WDR43: variants seen among roughly 807,000 people sequenced by gnomAD.
WDR43 encodes WD repeat-containing protein 43.
A neutral mutation model predicts 91.4 loss-of-function variants in WDR43; 13 were observed. The ratio of observed to expected loss-of-function variants is 0.14; its 90% CI spans 0.09 to 0.23. The LOEUF is 0.23. Ranked by LOEUF, WDR43 falls within the 10% of genes least tolerant of loss-of-function variation. The probability of loss-of-function intolerance (pLI) is 1.00; values close to 1 mark genes in which losing one functional copy is unlikely to be tolerated. For synonymous variants in WDR43, 331 were observed against 287.9 expected, an observed-to-expected ratio of 1.15 and a Z score of -1.51; for missense variants, 780 against 809.4, an observed-to-expected ratio of 0.96 and a Z score of 0.44.
rs1389972545 is a variant in WDR43 at position 28,935,746 on chromosome 2, A to T, written c.1524+139A>T. 6.5e-5 allele frequency: 11 copies of T among 168,314 alleles called. 1 individual carries two copies. Among genetic ancestry groups the T allele is most frequent in the Non-Finnish European group, 8.3e-5 (9 of 108,332 alleles). 10.4% of individuals were successfully genotyped at this position (168,314 alleles called of 1,614,324 possible). ...TAATGGATGGAGGAAAGTACTTTAG[A>T]CAAAAAAAAAAAAAAAAAAAAAGTG... On this transcript the variant is annotated intron_variant, in intron 12 of 17. Transcript: ENST00000407426.
chr2:28,937,324 G>A (rs1216461491), intron 13 of WDR43, among the ~76,000 whole-genome samples: 1 of 151,944 alleles, frequency 6.6e-6, no homozygotes, highest in East Asian at 1.9e-4. Context: ...TTGATAATCT[G>A]ATCAAACATT....
chr2:28,895,037 A>G, intron 1 of WDR43, 114 bp downstream of exon 1: 2 of 1,148,698 alleles, frequency 1.7e-6, no homozygotes, highest in East Asian at 6.5e-5. Context: ...CCCGGGCCAG[A>G]AGGCTTGGAG....
At chr2:28,920,930 G>A (rs565045255) in intron 6 of WDR43, among the ~76,000 whole-genome samples, 2 of 152,088 alleles carry the variant, frequency 1.3e-5, no homozygotes, top group East Asian at 3.9e-4. Flanking sequence ...GCCCACCTTG[G>A]CCTCACAAAG....
intron 16 of WDR43, among the ~76,000 whole-genome samples, chr2:28,944,968 T>C (rs1194953546): frequency 2.6e-5 from 4 of 152,238 alleles, no homozygotes; most frequent in Non-Finnish European, 5.9e-5. Context: ...ATTTTTGGAT[T>C]GCAGTTGCCA....
chr2:28,916,512 C>A (rs1449247458), intron 5 of WDR43, among the ~76,000 whole-genome samples: 1 of 152,022 alleles, frequency 6.6e-6, no homozygotes, highest in Non-Finnish European at 1.5e-5. Context: ...TGTTAAGATT[C>A]ATGTTTTTGC....
At chr2:28,939,629 C>T (rs1211115833) in intron 14 of WDR43, among the ~76,000 whole-genome samples, 1 of 152,150 alleles carries the variant, frequency 6.6e-6, no homozygotes, top group African/African-American at 2.4e-5. Flanking sequence ...CACTCTGGTC[C>T]CCATCTTCTT....
In WDR43 at chr2:28,937,934, T is replaced by C. The variant is rs1671363953; in HGVS notation, c.1560T>C (p.Ala520=). 3 of 1,613,774 alleles carry C rather than the reference T, an allele frequency of 1.9e-6. No individual in the cohort carries two copies. The highest frequency in any genetic ancestry group is 1.7e-6 in the Non-Finnish European group (2 of 1,179,834). ...TTACTTGGATTTTTTTTTCCAGTGCTGTGCTAATGGTTCAGTGGCTAAAAT... is the reference window on the plus strand; with the variant it reads ...TTACTTGGATTTTTTTTTCCAGTGCCGTGCTAATGGTTCAGTGGCTAAAAT... The part of the protein sequence containing the change: ...TKRLQGHPNS[A]VLMVQWLKCV... The change falls in exon 14 of 18, where the codon GCT becomes GCC. Residue 520 remains alanine, a synonymous_variant. Transcript: ENST00000407426.
intron 5 of WDR43, 39 bp downstream of exon 5, chr2:28,914,247 G>T (rs748392569): frequency 1.3e-6 from 2 of 1,590,218 alleles, no homozygotes; most frequent in Non-Finnish European, 1.7e-6. Flanking sequence ...AGCATTGAAA[G>T]AATCTGTCAG....
chr2:28,927,630 A>C lies in WDR43; in HGVS notation c.1235A>C (p.His412Pro). ...KVLVPGIPGH[H>P]AAIKPAPPQT... ...CTGGTGCCTGGGATTCCTGGTCATC[A>C]TGCAGCTATCAAGCCCGCTCCTCCA... Residue 412 changes from histidine to proline, a missense_variant, in exon 10 of 18, where the codon CAT becomes CCT. By Grantham distance (77) the His-to-Pro change is moderately conservative. Coordinates refer to ENST00000407426, the MANE Select transcript of WDR43 (RefSeq NM_015131.3). 5.0e-6 allele frequency: 8 copies of C among 1,613,932 alleles called. No homozygotes were observed. Among genetic ancestry groups the C allele is most frequent in the Non-Finnish European group, 6.8e-6 (8 of 1,179,860 alleles).
intron 11 of WDR43, among the ~76,000 whole-genome samples, chr2:28,930,344 G>A (rs552565358): frequency 6.6e-5 from 10 of 152,282 alleles, no homozygotes; most frequent in African/African-American, 1.9e-4. Flanking sequence ...GAATATTTAA[G>A]TGAAAAACAG....
chr2:28,923,302 C>T (rs781736196), intron 7 of WDR43, among the ~76,000 whole-genome samples: 3 of 152,246 alleles, frequency 2.0e-5, no homozygotes, highest in Admixed American at 6.5e-5. Context: ...TATCTTTGAG[C>T]GTGCTTTACT....
intron 4 of WDR43, 138 bp downstream of exon 4, chr2:28,912,848 A>G: frequency 8.3e-7 from 1 of 1,198,290 alleles, no homozygotes; most frequent in Non-Finnish European, 1.1e-6. Flanking sequence ...AGTGGATAAA[A>G]GTTAGCCTCC....
At chr2:28,933,749 T>C (rs543469469) in intron 11 of WDR43, among the ~76,000 whole-genome samples, 2 of 152,278 alleles carry the variant, frequency 1.3e-5, no homozygotes, top group African/African-American at 2.4e-5. Context: ...TTATTAATTA[T>C]CACAGAAAGG....
At chr2:28,937,702 C>G (rs542425923) in intron 13 of WDR43, among the ~76,000 whole-genome samples, 1 of 152,204 alleles carries the variant, frequency 6.6e-6, no homozygotes, top group Admixed American at 6.5e-5. Flanking sequence ...GGGGTTTTGT[C>G]CTGTTTTCTG....
Position 28,933,012 on chromosome 2 carries a change from C to G in WDR43, c.1438-2509C>G, listed in dbSNP as rs75819590. 5.7e-3 allele frequency among the ~76,000 whole-genome samples: 866 copies of G among 152,174 alleles called. 6 individuals carry two copies. Among genetic ancestry groups the G allele is most frequent in the Non-Finnish European group, 9.2e-3 (623 of 67,988 alleles). ...AGACCTAAGTAAATAGAGATCTAAG[C>G]CCTGTTCATGGGTTAGAATATTCTG... On this transcript the variant is annotated intron_variant, in intron 11 of 17. Coordinates refer to ENST00000407426, the MANE Select transcript of WDR43 (RefSeq NM_015131.3).
chr2:28,923,006 A>G (rs1671064009), intron 7 of WDR43, 23 bp downstream of exon 7: 3 of 1,601,246 alleles, frequency 1.9e-6, no homozygotes, highest in Non-Finnish European at 1.7e-6. Flanking sequence ...TTTTCCAAGT[A>G]AGAAATTTGT....
chr2:28,926,924 G>A (rs372176813), intron 9 of WDR43: 5 of 366,042 alleles, frequency 1.4e-5, no homozygotes, highest in East Asian at 1.3e-4. Flanking sequence ...TGTATTTCAG[G>A]GTGTAATAAA....
At chr2:28,933,470 G>A (rs780700718) in intron 11 of WDR43, among the ~76,000 whole-genome samples, 1 of 152,100 alleles carries the variant, frequency 6.6e-6, no homozygotes, top group East Asian at 1.9e-4. Flanking sequence ...AACAAGAGTG[G>A]GGAAAGATTT....
chr2:28,909,086 C>T (rs1268787029), intron 3 of WDR43, among the ~76,000 whole-genome samples: 1 of 152,034 alleles, frequency 6.6e-6, no homozygotes, highest in Non-Finnish European at 1.5e-5. Flanking sequence ...TCTTGGAAAA[C>T]TTCTCTGTCT....
Sources: allele counts gnomAD v4.1 joint callset (sites outside exome capture counted in the v4.1 genomes callset), GRCh38; gene constraint gnomAD v4.1.1; transcripts MANE v1.5; gene names NCBI Gene and HGNC (gene_info 2026-07-23, HGNC 2026-07-21).